Variants in GLYATL2 observed in about 807,000 individuals in gnomAD.
The protein encoded by GLYATL2 is glycine-N-acyltransferase like 2, also known as glycine N-acyltransferase-like protein 2.
Under a neutral mutation model 21.4 loss-of-function variants are expected in GLYATL2, and 25 were observed. The ratio of observed to expected loss-of-function variants is 1.17; its 90% confidence interval spans 0.85 to 1.63. The LOEUF (loss-of-function observed/expected upper bound fraction) is 1.63. GLYATL2 is among the 40% of genes most tolerant of loss of function. The probability of loss-of-function intolerance (pLI) is 0.00; values close to 1 mark genes in which losing one functional copy is unlikely to be tolerated. For missense variants in GLYATL2, 361 were observed against 343.3 expected (o/e 1.05, Z -0.41); for synonymous variants, 114 against 118.2 (o/e 0.96, Z 0.23).
chr11:58,847,311 T>C (rs1392601167), upstream of GLYATL2, among the ~76,000 whole-genome samples: 1 of 152,148 alleles, frequency 6.6e-6, no homozygotes, highest in Non-Finnish European at 1.5e-5. Context: ...GCTTCAGAAA[T>C]GTGGAAGGAG....
At chr11:58,902,297 T>C (rs1193584349) in intron 1 of GLYATL2, among the ~76,000 whole-genome samples, 1 of 152,192 alleles carries the variant, frequency 6.6e-6, no homozygotes, top group African/African-American at 2.4e-5. Flanking sequence ...CAGGCCCTTA[T>C]GTCTGACACA....
In GLYATL2 at chr11:58,834,490, C is replaced by T; in HGVS notation, c.824G>A (p.Gly275Glu). ...CCAGCCACAAGGACAAATCTTAAAC[C>T]CCAAATTGTTCAGTGCCTGTAGGCT... Reference protein sequence around the residue: ...EKSLQALNNLGFKICPCGWHQ... With the variant: ...EKSLQALNNLEFKICPCGWHQ... The change falls in exon 6 of 6, where the codon GGG (glycine) becomes GAG (glutamate). Residue 275 changes from glycine to glutamate, a missense_variant. By Grantham distance (98) the Gly-to-Glu change is moderately conservative. Coordinates refer to ENST00000287275, the MANE Select transcript of GLYATL2 (RefSeq NM_145016.4). 1 of 1,612,306 alleles carries T rather than the reference C, an allele frequency of 6.2e-7. No individual in the cohort carries two copies. Among genetic ancestry groups the T allele is most frequent in the South Asian group, 1.1e-5 (1 of 90,642 alleles).
chr11:58,854,772 A>G (rs1299914184), intron 1 of GLYATL2, among the ~76,000 whole-genome samples: 2 of 152,226 alleles, frequency 1.3e-5, no homozygotes, highest in Non-Finnish European at 2.9e-5. Context: ...CCCTCGCTAC[A>G]GCTTTATCAA....
At chr11:58,870,746 A>C (rs1173054817) in intron 1 of GLYATL2, among the ~76,000 whole-genome samples, 1 of 152,212 alleles carries the variant, frequency 6.6e-6, no homozygotes, top group African/African-American at 2.4e-5. Flanking sequence ...GAAATACAGG[A>C]AGGCAGATTA....
intron 1 of GLYATL2, among the ~76,000 whole-genome samples, chr11:58,897,471 A>C (rs1163426999): frequency 6.6e-6 from 1 of 152,180 alleles, no homozygotes; most frequent in African/African-American, 2.4e-5. Flanking sequence ...GTGTCTTCAC[A>C]AGGACCTACC....
At chr11:58,907,319 A>C, upstream of GLYATL2, 1 of 456,126 alleles carries the variant, frequency 2.2e-6, no homozygotes, top group Non-Finnish European at 4.4e-6. Context: ...TGGACTTCCA[A>C]TTGTCTTTGT....
At chr11:58,851,121 C>T (rs1853733515) in intron 1 of GLYATL2, among the ~76,000 whole-genome samples, 1 of 152,188 alleles carries the variant, frequency 6.6e-6, no homozygotes, top group Admixed American at 6.5e-5. Context: ...CTTTACCCTG[C>T]CCCTTTTGCC....
chr11:58,884,267 G>A (rs1854396372), intron 1 of GLYATL2, among the ~76,000 whole-genome samples: 1 of 152,168 alleles, frequency 6.6e-6, no homozygotes, highest in African/African-American at 2.4e-5. Flanking sequence ...AAAAGAGGAA[G>A]TCAAATTGTC....
chr11:58,908,902 T>C (rs1326553660), upstream of GLYATL2, among the ~76,000 whole-genome samples: 1 of 152,186 alleles, frequency 6.6e-6, no homozygotes, highest in Non-Finnish European at 1.5e-5. Flanking sequence ...ACACTTAATA[T>C]TATTATGCAG....
chr11:58,896,010 G>A (rs754580598), intron 1 of GLYATL2, among the ~76,000 whole-genome samples: 7 of 152,002 alleles, frequency 4.6e-5, no homozygotes, highest in South Asian at 2.1e-4. Flanking sequence ...CCACCACCAC[G>A]CCTGGCTAAT....
intron 1 of GLYATL2, among the ~76,000 whole-genome samples, chr11:58,901,738 G>A (rs1854743762): frequency 6.6e-6 from 1 of 152,094 alleles, no homozygotes; most frequent in Non-Finnish European, 1.5e-5. Context: ...CTGTGAAATG[G>A]GATCAACAGT....
intron 2 of GLYATL2, 65 bp downstream of exon 2, chr11:58,839,470 A>C: frequency 1.0e-6 from 1 of 954,650 alleles, no homozygotes; most frequent in Non-Finnish European, 1.6e-6. Context: ...AAGGTTATGA[A>C]TCCTGAATCT....
At chr11:58,865,764 G>T (rs1450498938) in intron 1 of GLYATL2, among the ~76,000 whole-genome samples, 2 of 148,718 alleles carry the variant, frequency 1.3e-5, no homozygotes, top group Non-Finnish European at 3.0e-5. Flanking sequence ...CACTGTTTTA[G>T]GACATGACTT....
chr11:58,902,321 A>G (rs939701450), intron 1 of GLYATL2, among the ~76,000 whole-genome samples: 2 of 152,064 alleles, frequency 1.3e-5, no homozygotes, highest in African/African-American at 4.8e-5. Flanking sequence ...CCAGAAGCCA[A>G]TTCTCCTCAG....
intron 1 of GLYATL2, among the ~76,000 whole-genome samples, chr11:58,871,332 G>A (rs191791816): frequency 0.028 from 4,302 of 151,360 alleles, 93 homozygotes; most frequent in Middle Eastern, 0.058. Flanking sequence ...TGTGCACAAC[G>A]TGCAGGTTTG....
upstream of GLYATL2, among the ~76,000 whole-genome samples, chr11:58,846,617 A>ATC (rs1853649098): frequency 6.6e-6 from 1 of 152,176 alleles, no homozygotes; most frequent in Non-Finnish European, 1.5e-5. Context: ...ACACCTGCCC[A>ATC]TGGAGGCAGA....
At chr11:58,872,095 C>T (rs746196089) in intron 1 of GLYATL2, among the ~76,000 whole-genome samples, 11 of 152,136 alleles carry the variant, frequency 7.2e-5, no homozygotes, top group Non-Finnish European at 1.5e-4. Flanking sequence ...TGAGAATTGT[C>T]TGTTCATATC....
chr11:58,845,121 C>T (rs912286844), upstream of GLYATL2, among the ~76,000 whole-genome samples: 3 of 152,078 alleles, frequency 2.0e-5, no homozygotes, highest in African/African-American at 7.2e-5. Context: ...AAGTGTGTTC[C>T]TCACACCACC....
At chr11:58,841,713 C>T (rs547089552) in intron 1 of GLYATL2, among the ~76,000 whole-genome samples, 1 of 152,324 alleles carries the variant, frequency 6.6e-6, no homozygotes, top group Non-Finnish European at 1.5e-5. Context: ...GGTGCACTAA[C>T]CAAATGGCAC....
Sources: allele counts gnomAD v4.1 joint callset (sites outside exome capture counted in the v4.1 genomes callset), GRCh38; gene constraint gnomAD v4.1.1; transcripts MANE v1.5; gene names NCBI Gene and HGNC (gene_info 2026-07-23, HGNC 2026-07-21).